The following PRKG1 variants were observed in gnomAD, a reference collection of about 807,000 sequenced individuals.
The protein encoded by PRKG1 is protein kinase cGMP-dependent 1.
Under a neutral mutation model 88.1 loss-of-function variants are expected in PRKG1, and 35 were observed. The observed-to-expected ratio is 0.40, with a 90% CI of 0.30 to 0.53. The LOEUF (loss-of-function observed/expected upper bound fraction) is 0.53, where lower values mean the gene tolerates loss of function less well. PRKG1 is among the 20% of genes least tolerant of loss of function. The pLI, the probability that PRKG1 is intolerant of heterozygous loss-of-function variation, is 0.59. For missense variants in PRKG1, 540 were observed against 839.8 expected (o/e 0.64, Z 4.41); for synonymous variants, 303 against 292.5 (o/e 1.04, Z -0.37).
intron 9 of PRKG1, among the ~76,000 whole-genome samples, chr10:52,243,854 G>A (rs1360696818): frequency 6.6e-6 from 1 of 152,104 alleles, no homozygotes; most frequent in Non-Finnish European, 1.5e-5. Flanking sequence ...CAATTTTCCT[G>A]TATATTCCCG....
intron 2 of PRKG1, among the ~76,000 whole-genome samples, chr10:51,289,155 T>C (rs1346772332): frequency 6.6e-6 from 1 of 152,096 alleles, no homozygotes; most frequent in African/African-American, 2.4e-5. Flanking sequence ...CATGAATGTG[T>C]CCTAACAAGT....
intron 5 of PRKG1, among the ~76,000 whole-genome samples, chr10:52,017,577 G>C (rs962796827): frequency 2.0e-5 from 3 of 152,150 alleles, no homozygotes; most frequent in African/African-American, 4.8e-5. Context: ...CCATTACTGA[G>C]GAGGGGAAGA....
At chr10:52,061,194 T>A (rs1273329937) in intron 6 of PRKG1, among the ~76,000 whole-genome samples, 1 of 151,886 alleles carries the variant, frequency 6.6e-6, no homozygotes, top group Non-Finnish European at 1.5e-5. Context: ...AAAACTGAAT[T>A]TCCATGGTTT....
chr10:51,771,925 A>C (rs562328640), intron 3 of PRKG1, among the ~76,000 whole-genome samples: 2 of 152,214 alleles, frequency 1.3e-5, no homozygotes, highest in Admixed American at 1.3e-4. Flanking sequence ...CTCAAAGATG[A>C]CTTTCCTTTC....
At chr10:51,860,563 C>T (rs1397636384) in intron 4 of PRKG1, among the ~76,000 whole-genome samples, 4 of 152,204 alleles carry the variant, frequency 2.6e-5, no homozygotes, top group Admixed American at 2.6e-4. Context: ...GAAAAGTCTG[C>T]ACTACTTGGT....
At chr10:51,620,239 T>C (rs1225413144) in intron 3 of PRKG1, among the ~76,000 whole-genome samples, 1 of 152,166 alleles carries the variant, frequency 6.6e-6, no homozygotes, top group East Asian at 1.9e-4. Context: ...TTGTAGAAAG[T>C]CTTGAAAAAT....
intron 7 of PRKG1, among the ~76,000 whole-genome samples, chr10:52,064,367 A>G (rs1292887721): frequency 1.3e-5 from 2 of 152,212 alleles, no homozygotes; most frequent in East Asian, 3.9e-4. Context: ...ATAGGAGCCA[A>G]AAACAGAGAG....
At chr10:51,698,303 C>G in intron 3 of PRKG1, 2 of 1,614,122 alleles carry the variant, frequency 1.2e-6, no homozygotes, top group South Asian at 2.2e-5. Flanking sequence ...CTCCATCGCT[C>G]GAGAATCTCT....
At chr10:52,189,637 T>C (rs533642998) in intron 9 of PRKG1, among the ~76,000 whole-genome samples, 1 of 152,290 alleles carries the variant, frequency 6.6e-6, no homozygotes, top group African/African-American at 2.4e-5. Context: ...TATCCCACCC[T>C]CAATCCATGG....
At chr10:51,607,024 T>C (rs950977234) in intron 3 of PRKG1, among the ~76,000 whole-genome samples, 1 of 152,120 alleles carries the variant, frequency 6.6e-6, no homozygotes, top group African/African-American at 2.4e-5. Flanking sequence ...AGAACCCTAG[T>C]GTGTGTGGTG....
At chr10:52,227,803 C>T (rs1430288849) in intron 9 of PRKG1, among the ~76,000 whole-genome samples, 1 of 152,152 alleles carries the variant, frequency 6.6e-6, no homozygotes, top group African/African-American at 2.4e-5. Flanking sequence ...ACATTTTCTA[C>T]TTCTGGGTGA....
intron 3 of PRKG1, among the ~76,000 whole-genome samples, chr10:51,513,022 G>A (rs567971935): frequency 1.3e-3 from 189 of 149,470 alleles, no homozygotes; most frequent in African/African-American, 4.2e-3. Flanking sequence ...CATGTCCTTC[G>A]CCCACTTTTT....
chr10:51,974,292 G>T (rs1331813514), intron 5 of PRKG1, among the ~76,000 whole-genome samples: 2 of 152,106 alleles, frequency 1.3e-5, no homozygotes, highest in East Asian at 3.9e-4. Flanking sequence ...GTACACAGCA[G>T]TGTCAGCCTT....
intron 2 of PRKG1, among the ~76,000 whole-genome samples, chr10:51,223,313 A>G (rs1161009657): frequency 6.6e-6 from 1 of 152,162 alleles, no homozygotes; most frequent in African/African-American, 2.4e-5. Flanking sequence ...TAATATCACA[A>G]GCAATATGTG....
intron 3 of PRKG1, among the ~76,000 whole-genome samples, chr10:51,729,638 C>A (rs977584023): frequency 8.1e-6 from 1 of 123,100 alleles, no homozygotes; most frequent in African/African-American, 3.1e-5. Context: ...ACCCAGGAGG[C>A]GGAGTTTGCA....
At chr10:51,008,398 C>T (rs1372133631) in intron 1 of PRKG1, among the ~76,000 whole-genome samples, 1 of 152,190 alleles carries the variant, frequency 6.6e-6, no homozygotes, top group Non-Finnish European at 1.5e-5. Context: ...TATTTACTCC[C>T]AGCTCTGTAG....
Position 51,298,803 on chromosome 10 carries a change from C to T in PRKG1, c.478+145473C>T, listed in dbSNP as rs191243596. Among the ~76,000 whole-genome samples the T allele has an allele frequency of 5.9e-5, 9 of 151,972 alleles. No homozygotes were observed. In the East Asian group the frequency reaches 1.2e-3, roughly 20 times the overall value. Reference sequence around the variant, plus strand: ...TTTGTGTGAGTGGTAGAATGTGAAGCGATTAAATAGGATAGGGAATTGGAA... The same window carrying T: ...TTTGTGTGAGTGGTAGAATGTGAAGTGATTAAATAGGATAGGGAATTGGAA... On this transcript the variant is annotated intron_variant, in intron 2 of 17. Coordinates refer to ENST00000373980, the MANE Select transcript of PRKG1 (RefSeq NM_006258.4).
chr10:52,129,986 C>T (rs893244549), intron 7 of PRKG1, among the ~76,000 whole-genome samples: 1 of 152,164 alleles, frequency 6.6e-6, no homozygotes, highest in Non-Finnish European at 1.5e-5. Context: ...AGAACTGTAA[C>T]TCACTAGCTA....
chr10:51,752,969 T>G (rs1837764922), intron 3 of PRKG1, among the ~76,000 whole-genome samples: 1 of 152,154 alleles, frequency 6.6e-6, no homozygotes, highest in African/African-American at 2.4e-5. Flanking sequence ...CATTATGTAT[T>G]GCTGTAAAAC....
Sources: gnomAD v4.1 joint callset for allele counts (sites outside exome capture counted in the v4.1 genomes callset) on GRCh38, gnomAD v4.1.1 for gene constraint, MANE v1.5 for transcripts, NCBI Gene and HGNC (gene_info 2026-07-23, HGNC 2026-07-21) for gene names.